Variants in CNTN6 observed in about 807,000 individuals in gnomAD.
CNTN6 encodes contactin-6.
A neutral mutation model predicts 122.8 loss-of-function variants in CNTN6; 137 were observed. That is an observed-to-expected ratio of 1.12 (90% CI 0.97 to 1.29). CNTN6 has a LOEUF of 1.29. Ranked by LOEUF, CNTN6 falls within the 50% of genes most tolerant of loss-of-function variation. The probability of loss-of-function intolerance (pLI) is 0.00; values close to 1 mark genes in which losing one functional copy is unlikely to be tolerated. For missense variants in CNTN6, 1,634 were observed against 1,223.4 expected, an observed-to-expected ratio of 1.34 and a Z score of -5.01; for synonymous variants, 570 against 426.0, an observed-to-expected ratio of 1.34 and a Z score of -4.16.
Position 1,163,195 on chromosome 3 carries a change from G to A in CNTN6, c.55+15132G>A, listed in dbSNP as rs1038475662. Among the ~76,000 whole-genome samples the A allele has an allele frequency of 5.9e-5, 9 of 152,184 alleles. No individual in the cohort carries two copies. The South Asian group carries it at 1.2e-3, about 21-fold the overall frequency. On this transcript the variant is annotated intron_variant, in intron 2 of 22. Coordinates refer to ENST00000446702, the MANE Select transcript of CNTN6 (RefSeq NM_001289080.2). Reference sequence around the variant, plus strand: ...CTAAAAGGCAATTTGGGACTCTTCTGTGAATTTTATTTATCCATCTTATGC... The same window carrying A: ...CTAAAAGGCAATTTGGGACTCTTCTATGAATTTTATTTATCCATCTTATGC...
chr3:1,093,347 G>T (rs147309874), intron 1 of CNTN6, among the ~76,000 whole-genome samples: 1 of 152,088 alleles, frequency 6.6e-6, no homozygotes, highest in Non-Finnish European at 1.5e-5. Context: ...ATTCCGGGAG[G>T]TTAGGATCAA....
At chr3:1,403,225 G>C in intron 22 of CNTN6, 93 bp from the exon 23 acceptor site, 1 of 708,198 alleles carries the variant, frequency 1.4e-6, no homozygotes, top group South Asian at 1.8e-5. Flanking sequence ...TACTAGAAGA[G>C]AAATGATAGT....
At chr3:1,383,556 T>G in intron 19 of CNTN6, 148 bp downstream of exon 19, 1 of 625,030 alleles carries the variant, frequency 1.6e-6, no homozygotes, top group Non-Finnish European at 2.8e-6. Flanking sequence ...TGAGACAGGG[T>G]AGGTGAGCCC....
chr3:1,249,910 G>GCT (rs76287745), intron 4 of CNTN6, among the ~76,000 whole-genome samples: 103,386 of 151,812 alleles, frequency 0.68, 36,387 homozygotes, highest in East Asian at 0.91. Flanking sequence ...CTTCTGAAAG[G>GCT]CTCTGTTTTT....
At chr3:1,273,211 C>G (rs2095054478) in intron 4 of CNTN6, among the ~76,000 whole-genome samples, 2 of 152,174 alleles carry the variant, frequency 1.3e-5, no homozygotes, top group African/African-American at 4.8e-5. Context: ...GGATTTGTAT[C>G]CCGTGCACAA....
chr3:1,245,217 TATATATATATATATATATACACACACAC>T (rs2094546817), intron 4 of CNTN6, among the ~76,000 whole-genome samples: 8 of 23,830 alleles, frequency 3.4e-4, no homozygotes, highest in Admixed American at 4.4e-4. Context: ...TATATATATA[TATATATATATATATATATACACACACAC>T]ATATATATAT....
At chr3:1,103,622 T>C (rs1218588560) in intron 1 of CNTN6, among the ~76,000 whole-genome samples, 2 of 152,138 alleles carry the variant, frequency 1.3e-5, no homozygotes, top group African/African-American at 2.4e-5. Context: ...TAAAGGAAAA[T>C]AATCTATTCG....
intron 2 of CNTN6, among the ~76,000 whole-genome samples, chr3:1,180,187 GAA>G (rs2093528218): frequency 6.6e-6 from 1 of 152,074 alleles, no homozygotes; most frequent in South Asian, 2.1e-4. Flanking sequence ...AAAAGAAAGA[GAA>G]AGAGTAAATG....
intron 1 of CNTN6, among the ~76,000 whole-genome samples, chr3:1,147,444 T>C (rs1178911555): frequency 6.6e-6 from 1 of 152,122 alleles, no homozygotes; most frequent in East Asian, 1.9e-4. Flanking sequence ...TCTGAGCTTA[T>C]TCTAAATTTT....
At chr3:1,298,125 T>C (rs1696595577) in intron 7 of CNTN6, 134 bp downstream of exon 7, 2 of 633,428 alleles carry the variant, frequency 3.2e-6, no homozygotes, top group African/African-American at 1.8e-5. Context: ...AGTGGAACTT[T>C]CTGATTTGAA....
intron 5 of CNTN6, among the ~76,000 whole-genome samples, chr3:1,292,546 T>C (rs551496328): frequency 1.3e-5 from 2 of 152,298 alleles, no homozygotes; most frequent in African/African-American, 4.8e-5. Context: ...TTGAGTTAGC[T>C]ATTTGTATTT....
At chr3:1,215,433 T>A (rs2094116978) in intron 2 of CNTN6, among the ~76,000 whole-genome samples, 2 of 152,238 alleles carry the variant, frequency 1.3e-5, no homozygotes, top group Non-Finnish European at 2.9e-5. Flanking sequence ...GTTTTGTTGC[T>A]TGCCTATTCC....
intron 1 of CNTN6, among the ~76,000 whole-genome samples, chr3:1,096,389 A>G (rs960399004): frequency 6.6e-6 from 1 of 151,740 alleles, no homozygotes; most frequent in African/African-American, 2.4e-5. Context: ...TTGTTGTACT[A>G]TTTCTTTTTT....
chr3:1,317,090 TTTAA>T, intron 7 of CNTN6, among the ~76,000 whole-genome samples: 1 of 152,114 alleles, frequency 6.6e-6, no homozygotes, highest in East Asian at 1.9e-4. Context: ...AATCTCAACA[TTTAA>T]TTAGGAACTG....
chr3:1,111,205 G>A (rs1481144922), intron 1 of CNTN6, among the ~76,000 whole-genome samples: 1 of 152,134 alleles, frequency 6.6e-6, no homozygotes, highest in Non-Finnish European at 1.5e-5. Context: ...TATGCGGAAA[G>A]CAGTAGTCCC....
intron 2 of CNTN6, among the ~76,000 whole-genome samples, chr3:1,171,577 G>C (rs2093358422): frequency 6.6e-6 from 1 of 152,096 alleles, no homozygotes; most frequent in East Asian, 1.9e-4. Context: ...AAATCCACTG[G>C]AGCAAAAGTA....
chr3:1,329,952 T>G lies in CNTN6; in HGVS notation c.1364+17T>G. On this transcript the variant is annotated intron_variant, in intron 11 of 22. Coordinates refer to ENST00000446702, the MANE Select transcript of CNTN6 (RefSeq NM_001289080.2). Reference sequence around the variant, plus strand: ...AAGCAAAAGGTAAACAAATCTTTATTTTTAAAAATATTTTTGTTTGTAATA... The same window carrying G: ...AAGCAAAAGGTAAACAAATCTTTATGTTTAAAAATATTTTTGTTTGTAATA... 1 of 1,507,624 alleles carries G rather than the reference T, an allele frequency of 6.6e-7. No individual in the cohort carries two copies. Among genetic ancestry groups the G allele is most frequent in the Non-Finnish European group, 8.8e-7 (1 of 1,131,192 alleles). 93.4% of individuals were successfully genotyped at this position (1,507,624 alleles called of 1,614,324 possible). A position where few individuals can be genotyped will look rare whatever the true frequency, so the allele number is the denominator to read the frequency against.
intron 11 of CNTN6, among the ~76,000 whole-genome samples, chr3:1,332,849 C>A (rs59070420): frequency 1.3e-5 from 2 of 151,998 alleles, no homozygotes; most frequent in Admixed American, 6.6e-5. Context: ...TAGCCAAATT[C>A]TTTTTTCCCT....
chr3:1,254,765 A>C (rs1019401363), intron 4 of CNTN6, among the ~76,000 whole-genome samples: 2 of 152,226 alleles, frequency 1.3e-5, no homozygotes, highest in Non-Finnish European at 2.9e-5. Flanking sequence ...ATTTCCAATG[A>C]AGGAAAATTA....
Sources: allele counts gnomAD v4.1 joint callset (sites outside exome capture counted in the v4.1 genomes callset), GRCh38; gene constraint gnomAD v4.1.1; transcripts MANE v1.5; gene names NCBI Gene and HGNC (gene_info 2026-07-23, HGNC 2026-07-21).